Variants in FOXP2 observed in about 807,000 individuals in gnomAD.
FOXP2 encodes forkhead box protein P2.
Under a neutral mutation model 115.8 loss-of-function variants are expected in FOXP2, and 12 were observed. The observed-to-expected ratio is 0.10, with a 90% CI of 0.07 to 0.17. The LOEUF is 0.17. Ranked by LOEUF, FOXP2 falls within the 10% of genes least tolerant of loss-of-function variation. The probability of loss-of-function intolerance (pLI) is 1.00; values close to 1 mark genes in which losing one functional copy is unlikely to be tolerated. For missense variants in FOXP2, 629 were observed against 843.5 expected (o/e 0.75, Z 3.15); for synonymous variants, 328 against 297.7 (o/e 1.10, Z -1.05).
intron 10 of FOXP2, among the ~76,000 whole-genome samples, chr7:114,654,744 T>C (rs1806476818): frequency 6.6e-6 from 1 of 152,130 alleles, no homozygotes; most frequent in Non-Finnish European, 1.5e-5. Flanking sequence ...GTAACTCTAG[T>C]TTAATGAAAG....
At chr7:114,621,510 G>T (rs1028026174) in intron 3 of FOXP2, among the ~76,000 whole-genome samples, 5 of 152,000 alleles carry the variant, frequency 3.3e-5, no homozygotes, top group Non-Finnish European at 7.4e-5. Flanking sequence ...TAAGTCGTTG[G>T]TACAATACTC....
chr7:114,313,263 T>C (rs1038078819), intron 2 of FOXP2, among the ~76,000 whole-genome samples: 2 of 152,158 alleles, frequency 1.3e-5, no homozygotes, highest in Non-Finnish European at 2.9e-5. Flanking sequence ...TGTGATGAAT[T>C]ATTTGGCTCA....
intron 2 of FOXP2, among the ~76,000 whole-genome samples, chr7:114,488,616 A>G (rs1339201784): frequency 6.6e-6 from 1 of 152,150 alleles, no homozygotes; most frequent in Admixed American, 6.5e-5. Flanking sequence ...TGTCAGTGAA[A>G]AAATGGCCAT....
chr7:114,307,575 T>G (rs1797045615), intron 2 of FOXP2, among the ~76,000 whole-genome samples: 1 of 152,204 alleles, frequency 6.6e-6, no homozygotes, highest in African/African-American at 2.4e-5. Flanking sequence ...CTCTTCAAGA[T>G]GCATTACCAA....
At chr7:114,255,497 C>T (rs747562820) in intron 1 of FOXP2, among the ~76,000 whole-genome samples, 2 of 152,226 alleles carry the variant, frequency 1.3e-5, no homozygotes, top group South Asian at 2.1e-4. Context: ...ACTGCGGGGG[C>T]GCCCGTCCCT....
chr7:114,315,283 A>C (rs576577103), intron 2 of FOXP2, among the ~76,000 whole-genome samples: 6 of 152,190 alleles, frequency 3.9e-5, no homozygotes, highest in Non-Finnish European at 8.8e-5. Context: ...TCATTTATCT[A>C]TTATTCACAA....
At chr7:114,395,587 A>C (rs1792716804) in intron 2 of FOXP2, among the ~76,000 whole-genome samples, 1 of 152,198 alleles carries the variant, frequency 6.6e-6, no homozygotes, top group Non-Finnish European at 1.5e-5. Context: ...TCATACCCAG[A>C]ATACTTTTAT....
intron 2 of FOXP2, among the ~76,000 whole-genome samples, chr7:114,294,568 T>C (rs1458123260): frequency 1.3e-5 from 2 of 152,174 alleles, no homozygotes; most frequent in East Asian, 3.9e-4. Context: ...CAGCTGGGTG[T>C]GGTGGCTTAC....
intron 2 of FOXP2, among the ~76,000 whole-genome samples, chr7:114,312,414 A>C (rs1327613510): frequency 2.0e-5 from 3 of 152,100 alleles, no homozygotes; most frequent in Admixed American, 6.6e-5. Context: ...CCCCTCATCT[A>C]ATACATAGGT....
At chr7:114,468,546 T>C (rs536426445) in intron 2 of FOXP2, among the ~76,000 whole-genome samples, 1 of 152,170 alleles carries the variant, frequency 6.6e-6, no homozygotes, top group South Asian at 2.1e-4. Context: ...TGCTTGTAGT[T>C]CCCTACGCTA....
intron 3 of FOXP2, among the ~76,000 whole-genome samples, chr7:114,555,542 A>T (rs1043236993): frequency 4.6e-5 from 7 of 152,180 alleles, no homozygotes; most frequent in African/African-American, 1.4e-4. Flanking sequence ...CATGCCTGTA[A>T]TCTCAGCACT....
At chr7:114,548,217 G>A (rs1004787482) in intron 3 of FOXP2, among the ~76,000 whole-genome samples, 1 of 152,230 alleles carries the variant, frequency 6.6e-6, no homozygotes, top group African/African-American at 2.4e-5. Context: ...CAGACCAGCT[G>A]CAGCTGTCCC....
At chr7:114,134,702 G>A (rs1791988245) in intron 1 of FOXP2, among the ~76,000 whole-genome samples, 1 of 100,744 alleles carries the variant, frequency 9.9e-6, no homozygotes, top group South Asian at 4.1e-4. Context: ...GACAGAGCGA[G>A]ACTCCGTCTC....
At chr7:114,346,454 A>C (rs1408730379) in intron 2 of FOXP2, among the ~76,000 whole-genome samples, 3 of 151,850 alleles carry the variant, frequency 2.0e-5, no homozygotes, top group Non-Finnish European at 4.4e-5. Context: ...AAATAGAATC[A>C]TTATGTCAAA....
At position 114,625,276 on chromosome 7, in the gene FOXP2, G is replaced by A. The variant is rs114328026; in HGVS notation, c.259-3264G>A. On this transcript the variant is annotated intron_variant, in intron 3 of 16. Coordinates refer to ENST00000350908, the MANE Select transcript of FOXP2 (RefSeq NM_014491.4). ...CTATTTCTTCTGATTTCATTTGGTG[G>A]TAGAGCCACCAGACTTTTATTTGCC... Among the ~76,000 whole-genome samples the A allele has an allele frequency of 6.2e-3, 939 of 151,756 alleles. 8 individuals are homozygous for A. Among genetic ancestry groups the A allele is most frequent in the African/African-American group, 0.021 (868 of 41,494 alleles).
Position 114,559,629 on chromosome 7 carries a change from T to A in FOXP2, c.258+24923T>A, listed in dbSNP as rs1003527553. Among the ~76,000 whole-genome samples the A allele has an allele frequency of 2.0e-5, 3 of 152,326 alleles. No individual in the cohort carries two copies. The East Asian group carries it at 5.8e-4, about 29-fold the overall frequency. Reference sequence around the variant, plus strand: ...TGGGCGCGGTGGCTCACGCCTGTAATCCCAGCACTTTGGGAGGCCAAGGCG... The same window carrying A: ...TGGGCGCGGTGGCTCACGCCTGTAAACCCAGCACTTTGGGAGGCCAAGGCG... On this transcript the variant is annotated intron_variant, in intron 3 of 16. Coordinates refer to ENST00000350908, the MANE Select transcript of FOXP2 (RefSeq NM_014491.4).
At chr7:114,132,541 T>TTGTGTGTGTG (rs145500210) in intron 1 of FOXP2, among the ~76,000 whole-genome samples, 4 of 90,662 alleles carry the variant, frequency 4.4e-5, no homozygotes, top group African/African-American at 2.1e-4. Context: ...AAAAGATAAA[T>TTGTGTGTGTG]TGTGTGTGTG....
chr7:114,339,275 G>C (rs1470941068), intron 2 of FOXP2, among the ~76,000 whole-genome samples: 1 of 151,068 alleles, frequency 6.6e-6, no homozygotes, highest in Non-Finnish European at 1.5e-5. Flanking sequence ...GTGCAACATG[G>C]TATATGATAA....
intron 1 of FOXP2, among the ~76,000 whole-genome samples, chr7:114,274,345 T>G (rs1398945615): frequency 1.3e-5 from 2 of 152,104 alleles, no homozygotes; most frequent in Non-Finnish European, 2.9e-5. Context: ...TTAGATCAAT[T>G]AAGCATAAGA....
Sources: gnomAD v4.1 joint callset for allele counts (sites outside exome capture counted in the v4.1 genomes callset) on GRCh38, gnomAD v4.1.1 for gene constraint, MANE v1.5 for transcripts, NCBI Gene and HGNC (gene_info 2026-07-23, HGNC 2026-07-21) for gene names.